The following SAMD12 variants were observed in gnomAD, a reference collection of about 807,000 sequenced individuals.
The protein encoded by SAMD12 is sterile alpha motif domain-containing protein 12.
In SAMD12, 9 loss-of-function variants were observed where a neutral mutation model predicts 15.0. The ratio of observed to expected loss-of-function variants is 0.60; its 90% CI spans 0.36 to 1.05. The LOEUF (loss-of-function observed/expected upper bound fraction) is 1.05. Ranked by LOEUF, SAMD12 falls within the 50% of genes least tolerant of loss-of-function variation. The probability of loss-of-function intolerance (pLI) is 0.01; values close to 1 mark genes in which losing one functional copy is unlikely to be tolerated. For synonymous variants in SAMD12, 86 were observed against 90.1 expected (o/e 0.96, Z 0.25); for missense variants, 230 against 234.2 (o/e 0.98, Z 0.12).
At chr8:118,614,475 A>G (rs980046156) in intron 1 of SAMD12, among the ~76,000 whole-genome samples, 1 of 152,126 alleles carries the variant, frequency 6.6e-6, no homozygotes, top group Admixed American at 6.5e-5. Context: ...CCCCTAGGAG[A>G]GAGTCCTGCA....
intron 4 of SAMD12, among the ~76,000 whole-genome samples, chr8:118,323,788 T>A (rs533592778): frequency 1.8e-4 from 27 of 151,692 alleles, no homozygotes; most frequent in Non-Finnish European, 3.4e-4. Flanking sequence ...TCACTTTCCT[T>A]CCCTGTAAAA....
At position 118,198,224 on chromosome 8, in the gene SAMD12, G is replaced by T. The variant is rs553755905; in HGVS notation, c.434-492C>A. On this transcript the variant is annotated intron_variant, in intron 4 of 4. Coordinates refer to the SAMD12 transcript ENST00000409003. ...CGGAATGGCTGGAGCTCTTGAGTTT[G>T]CTAGTTGCGAAGTCAGATTAGCTGG... 4.6e-5 allele frequency among the ~76,000 whole-genome samples: 7 copies of T among 152,322 alleles called. No homozygotes were observed. In the South Asian group the frequency reaches 1.5e-3, roughly 32 times the overall value.
At chr8:118,235,214 A>T (rs1342692477) in intron 4 of SAMD12, among the ~76,000 whole-genome samples, 1 of 151,084 alleles carries the variant, frequency 6.6e-6, no homozygotes, top group Non-Finnish European at 1.5e-5. Context: ...GATTATTATA[A>T]GTCTTTTTTT....
At chr8:118,479,772 CTCT>C (rs1016932809) in intron 2 of SAMD12, among the ~76,000 whole-genome samples, 5 of 69,672 alleles carry the variant, frequency 7.2e-5, no homozygotes, top group African/African-American at 2.3e-4. Context: ...TGCCATGATA[CTCT>C]TTTTTTTTTT....
At chr8:118,431,522 AT>A (rs796623342) in intron 3 of SAMD12, among the ~76,000 whole-genome samples, 177 of 147,184 alleles carry the variant, frequency 1.2e-3, no homozygotes, top group East Asian at 1.8e-3. Context: ...AGAATTGGTC[AT>A]TTTTTTTTTG....
At chr8:118,550,770 T>A (rs1045819564) in intron 2 of SAMD12, among the ~76,000 whole-genome samples, 2 of 151,466 alleles carry the variant, frequency 1.3e-5, no homozygotes, top group African/African-American at 4.9e-5. Flanking sequence ...CAGTGTGTTG[T>A]ATTCAGGAAA....
intron 2 of SAMD12, among the ~76,000 whole-genome samples, chr8:118,464,463 G>A (rs1309313741): frequency 6.6e-6 from 1 of 152,144 alleles, no homozygotes; most frequent in Non-Finnish European, 1.5e-5. Flanking sequence ...CTCATAGTCA[G>A]GGAAATAATT....
chr8:118,299,629 C>T (rs1235071996), intron 4 of SAMD12, among the ~76,000 whole-genome samples: 2 of 152,038 alleles, frequency 1.3e-5, no homozygotes, highest in Non-Finnish European at 1.5e-5. Context: ...TCTTATCCAA[C>T]ATGGAGAAAA....
chr8:118,155,365 G>T, the SAMD12 span, among the ~76,000 whole-genome samples: 5 of 152,132 alleles, frequency 3.3e-5, no homozygotes, highest in Non-Finnish European at 7.3e-5. Flanking sequence ...GTGTTTTTGG[G>T]GGGGTGGGCC....
chr8:118,425,518 T>C (rs2130857586), intron 3 of SAMD12, among the ~76,000 whole-genome samples: 1 of 152,270 alleles, frequency 6.6e-6, no homozygotes, highest in Non-Finnish European at 1.5e-5. Flanking sequence ...ACTCCTACCC[T>C]GTCTAAGAAA....
intron 4 of SAMD12, among the ~76,000 whole-genome samples, chr8:118,307,189 TA>T (rs1815394450): frequency 6.6e-6 from 1 of 152,224 alleles, no homozygotes; most frequent in Non-Finnish European, 1.5e-5. Context: ...TAACTGCACC[TA>T]ATGACTGCCA....
chr8:118,547,566 A>G (rs534983489), intron 2 of SAMD12, among the ~76,000 whole-genome samples: 74 of 152,310 alleles, frequency 4.9e-4, no homozygotes, highest in African/African-American at 1.7e-3. Context: ...TGTACAATAC[A>G]GGTTGGGCAA....
At chr8:118,479,257 G>C (rs1418690861) in intron 2 of SAMD12, among the ~76,000 whole-genome samples, 6 of 152,006 alleles carry the variant, frequency 3.9e-5, no homozygotes, top group Non-Finnish European at 8.8e-5. Flanking sequence ...TGCACTGGCT[G>C]TTCCCCCCAC....
chr8:118,542,793 T>C (rs1338335437), intron 2 of SAMD12, among the ~76,000 whole-genome samples: 1 of 152,198 alleles, frequency 6.6e-6, no homozygotes, highest in Admixed American at 6.5e-5. Context: ...GACAAAAGAA[T>C]CTTGTGCATG....
At chr8:118,514,578 G>C (rs1213029438) in intron 2 of SAMD12, among the ~76,000 whole-genome samples, 1 of 152,142 alleles carries the variant, frequency 6.6e-6, no homozygotes, top group Non-Finnish European at 1.5e-5. Flanking sequence ...CAATTATTTA[G>C]GTTGTATACC....
chr8:118,179,044 C>T, the SAMD12 span, among the ~76,000 whole-genome samples: 1 of 152,154 alleles, frequency 6.6e-6, no homozygotes, highest in Non-Finnish European at 1.5e-5. Context: ...TGTTTATAGT[C>T]CACAGGACTC....
At chr8:118,483,765 T>C (rs896717809) in intron 2 of SAMD12, among the ~76,000 whole-genome samples, 1 of 152,202 alleles carries the variant, frequency 6.6e-6, no homozygotes, top group African/African-American at 2.4e-5. Context: ...GCCAGGATCT[T>C]TGGCATACTA....
chr8:118,454,360 T>G (rs79327409), intron 2 of SAMD12, among the ~76,000 whole-genome samples: 3,645 of 152,280 alleles, frequency 0.024, 129 homozygotes, highest in African/African-American at 0.083. Context: ...ATTTTTCCCC[T>G]AGAAGGCTTT....
intron 3 of SAMD12, among the ~76,000 whole-genome samples, chr8:118,428,421 A>C (rs1822300627): frequency 6.8e-6 from 1 of 146,730 alleles, no homozygotes; most frequent in African/African-American, 2.8e-5. Flanking sequence ...AAAGAAAGAA[A>C]AGAAAAGAAA....
Sources: gnomAD v4.1 joint callset for allele counts (sites outside exome capture counted in the v4.1 genomes callset) on GRCh38, gnomAD v4.1.1 for gene constraint, MANE v1.5 for transcripts, NCBI Gene and HGNC (gene_info 2026-07-23, HGNC 2026-07-21) for gene names.